The following ZNHIT3 variants were observed in gnomAD, a reference collection of about 807,000 sequenced individuals.
ZNHIT3 encodes zinc finger HIT domain-containing protein 3.
A neutral mutation model predicts 19.9 loss-of-function variants in ZNHIT3; 27 were observed. The ratio of observed to expected loss-of-function variants is 1.36; its 90% CI spans 1.00 to 1.87. ZNHIT3 has a LOEUF of 1.87. ZNHIT3 is among the 40% of genes most tolerant of loss of function. The probability of loss-of-function intolerance (pLI) is 0.00; values close to 1 mark genes in which losing one functional copy is unlikely to be tolerated. For missense variants in ZNHIT3, 215 were observed against 185.6 expected (o/e 1.16, Z -0.92); for synonymous variants, 81 against 65.7 (o/e 1.23, Z -1.13).
chr17:36,499,084 C>T (rs1389626994), downstream of ZNHIT3: 1 of 1,608,390 alleles, frequency 6.2e-7, no homozygotes, highest in Non-Finnish European at 8.5e-7. Context: ...CTCTCCACTT[C>T]TGCCATGCAC....
intron 2 of ZNHIT3, among the ~76,000 whole-genome samples, chr17:36,488,345 G>A (rs1279467052): frequency 6.6e-6 from 1 of 152,056 alleles, no homozygotes; most frequent in Non-Finnish European, 1.5e-5. Flanking sequence ...AGGAGTTCGA[G>A]ACCAGCCTGG....
Position 36,492,825 on chromosome 17 carries a change from C to T in ZNHIT3, c.131C>T (p.Pro44Leu). 1 of 1,614,156 alleles carries T rather than the reference C, an allele frequency of 6.2e-7. No individual in the cohort carries two copies. The highest frequency in any genetic ancestry group is 8.5e-7 in the Non-Finnish European group (1 of 1,180,020). ...GTGTCTTTTTCAGAACAGTGCAACC[C>T]TGAAACTCGTCCTGTTGAGAAAAAA... ...CFRKHKEQCN[P>L]ETRPVEKKIR... The change falls in exon 3 of 5, where the codon CCT (proline) becomes CTT (leucine). Residue 44 changes from proline to leucine, a missense_variant. Coordinates refer to ENST00000617429, the MANE Select transcript of ZNHIT3 (RefSeq NM_004773.4).
intron 2 of ZNHIT3, 67 bp from the exon 3 acceptor site, chr17:36,492,746 G>A (rs1198016857): frequency 1.4e-6 from 2 of 1,416,070 alleles, no homozygotes; most frequent in Non-Finnish European, 2.0e-6. Flanking sequence ...ATGCTACCTT[G>A]GTAGGGAGGT....
chr17:36,494,814 T>C lies in ZNHIT3; in HGVS notation c.287-409T>C, dbSNP rs149436771. Among the ~76,000 whole-genome samples the C allele has an allele frequency of 5.3e-5, 8 of 152,298 alleles. 1 individual carries two copies. The East Asian group carries it at 1.3e-3, about 26-fold the overall frequency. On this transcript the variant is annotated intron_variant, in intron 4 of 4. Coordinates refer to ENST00000617429, the MANE Select transcript of ZNHIT3 (RefSeq NM_004773.4). Reference sequence around the variant, plus strand: ...TAGCCGTCTTCACCACTGGCAACTTTTATGGCTAGAAAGAAAGAAAACATG... The same window carrying C: ...TAGCCGTCTTCACCACTGGCAACTTCTATGGCTAGAAAGAAAGAAAACATG...
downstream of ZNHIT3, chr17:36,497,844 C>T (rs1815415190): frequency 6.1e-6 from 1 of 165,110 alleles, no homozygotes; most frequent in South Asian, 1.8e-4. Flanking sequence ...CTCGACTTCC[C>T]AAAGTACTGG....
Position 36,495,591 on chromosome 17 carries a change from A to C in ZNHIT3, c.*187A>C, listed in dbSNP as rs10741. ...TGTTTCAGGCAGACTTGGGGTCCTTAAGGTGGCAAGTCCTTTATGGAGAGA... is the reference window on the plus strand; with the variant it reads ...TGTTTCAGGCAGACTTGGGGTCCTTCAGGTGGCAAGTCCTTTATGGAGAGA... On this transcript the variant is annotated 3_prime_UTR_variant, in exon 5 of 5. Transcript: ENST00000617429. The C allele has an allele frequency of 1.8e-5, 23 of 1,300,094 alleles. No homozygotes were observed. In the African/African-American group the frequency reaches 3.2e-4, roughly 18 times the overall value. The allele number at this position is 1,300,094 out of a possible 1,614,324, so 80.5% of individuals were successfully genotyped here. A position where few individuals can be genotyped will look rare whatever the true frequency, so the allele number is the denominator to read the frequency against.
Position 36,495,767 on chromosome 17 carries a change from T to G in ZNHIT3, c.*363T>G. On this transcript the variant is annotated 3_prime_UTR_variant, in exon 5 of 5. Coordinates refer to ENST00000617429, the MANE Select transcript of ZNHIT3 (RefSeq NM_004773.4). ...CGTGATTCTACTGTACATTGCATTA[T>G]TCATAATTTAATTGTTTGAAATTAC... is the stretch of plus-strand genomic sequence containing the variant. 5 of 1,241,628 alleles carry G rather than the reference T, an allele frequency of 4.0e-6. No individual in the cohort carries two copies. The highest frequency in any genetic ancestry group is 8.1e-5 in the South Asian group (2 of 24,750). 76.9% of individuals were successfully genotyped at this position (1,241,628 alleles called of 1,614,324 possible).
chr17:36,496,138 G>A, downstream of ZNHIT3: 1 of 1,407,862 alleles, frequency 7.1e-7, no homozygotes, highest in Non-Finnish European at 9.8e-7. Context: ...CGTCACTGTT[G>A]TTCATGTGCA....
chr17:36,488,188 C>T (rs115146040), intron 2 of ZNHIT3, among the ~76,000 whole-genome samples: 1,545 of 149,518 alleles, frequency 0.01, 25 homozygotes, highest in African/African-American at 0.036. Flanking sequence ...CTTTTAGAAT[C>T]TCAGCAATGA....
intron 2 of ZNHIT3, chr17:36,490,355 A>G (rs1216928158): frequency 1.3e-5 from 2 of 152,050 alleles, no homozygotes; most frequent in African/African-American, 4.8e-5. Context: ...TTTCCCCAGT[A>G]TATGCTCTTG....
At chr17:36,498,282 A>G, downstream of ZNHIT3, 4 of 1,612,202 alleles carry the variant, frequency 2.5e-6, no homozygotes, top group African/African-American at 1.3e-5. Context: ...CAGCGCTCGG[A>G]TGGACGTGAC....
At chr17:36,498,135 C>T (rs147984329), downstream of ZNHIT3, 421 of 949,706 alleles carry the variant, frequency 4.4e-4, 2 homozygotes, top group African/African-American at 6.3e-3. Context: ...GACATGCAGC[C>T]CTCTGGTTTA....
chr17:36,496,326 T>C (rs1731032960), downstream of ZNHIT3: 1 of 1,613,908 alleles, frequency 6.2e-7, no homozygotes, highest in Non-Finnish European at 8.5e-7. Flanking sequence ...GATTAAAGCC[T>C]GTAATGCTGT....
intron 4 of ZNHIT3, 113 bp from the exon 5 acceptor site, chr17:36,495,110 C>G: frequency 3.7e-6 from 5 of 1,335,726 alleles, no homozygotes; most frequent in Non-Finnish European, 5.0e-6. Flanking sequence ...CAGGCATGAG[C>G]CACCACACCT....
downstream of ZNHIT3, chr17:36,498,347 G>C: frequency 1.9e-6 from 3 of 1,614,026 alleles, no homozygotes; most frequent in Non-Finnish European, 2.5e-6. Context: ...TGCCCCTGGG[G>C]AGCTGGAGGC....
At chr17:36,498,101 T>TAATCC (rs2069632029), downstream of ZNHIT3, 4 of 665,436 alleles carry the variant, frequency 6.0e-6, no homozygotes, top group Non-Finnish European at 9.7e-6. Flanking sequence ...ACAAAATAAA[T>TAATCC]AATCCAAACC....
At chr17:36,497,603 T>TA (rs938981222), downstream of ZNHIT3, 25 of 864,402 alleles carry the variant, frequency 2.9e-5, no homozygotes, top group Non-Finnish European at 3.3e-5. Context: ...TTTTTTTTTT[T>TA]AGATGGACTC....
In ZNHIT3 at chr17:36,495,559, T is replaced by G; in HGVS notation, c.*155T>G. On this transcript the variant is annotated 3_prime_UTR_variant, in exon 5 of 5. Coordinates refer to ENST00000617429, the MANE Select transcript of ZNHIT3 (RefSeq NM_004773.4). ...ATGCAGGCCTTTACCGGCATTGATGTGGCTCATGTTTCAGGCAGACTTGGG... is the reference window on the plus strand; with the variant it reads ...ATGCAGGCCTTTACCGGCATTGATGGGGCTCATGTTTCAGGCAGACTTGGG... The G allele has an allele frequency of 3.0e-6, 4 of 1,322,668 alleles. No individual in the cohort carries two copies. Among genetic ancestry groups the G allele is most frequent in the Non-Finnish European group, 3.8e-6 (4 of 1,039,586 alleles). 81.9% of individuals were successfully genotyped at this position (1,322,668 alleles called of 1,614,324 possible).
chr17:36,498,667 G>A (rs1408555249), downstream of ZNHIT3: 1 of 1,311,716 alleles, frequency 7.6e-7, no homozygotes, highest in African/African-American at 1.5e-5. Flanking sequence ...GTGAACTGAA[G>A]GCACCTGGTT....
Sources: allele counts gnomAD v4.1 joint callset (sites outside exome capture counted in the v4.1 genomes callset), GRCh38; gene constraint gnomAD v4.1.1; transcripts MANE v1.5; gene names NCBI Gene and HGNC (gene_info 2026-07-23, HGNC 2026-07-21).